The following CNBD1 variants were observed in gnomAD, a reference collection of about 807,000 sequenced individuals.
CNBD1 encodes the protein cyclic nucleotide binding domain containing 1.
A neutral mutation model predicts 54.4 loss-of-function variants in CNBD1; 71 were observed. That is an observed-to-expected ratio of 1.30 (90% CI 1.08 to 1.59). The LOEUF (loss-of-function observed/expected upper bound fraction) is 1.59. Among genes scored for constraint, CNBD1 ranks in the 40% most tolerant of loss-of-function variants. The pLI, the probability that CNBD1 is intolerant of heterozygous loss-of-function variation, is 0.00. For synonymous variants in CNBD1, 182 were observed against 170.7 expected, an observed-to-expected ratio of 1.07 and a Z score of -0.51; for missense variants, 659 against 518.0, an observed-to-expected ratio of 1.27 and a Z score of -2.64.
chr8:87,411,092 G>A (rs1302212324), intron 2 of CNBD1, among the ~76,000 whole-genome samples: 6 of 151,776 alleles, frequency 4.0e-5, no homozygotes, highest in African/African-American at 1.2e-4. Context: ...ATACTTGGGG[G>A]TCTGGAACAA....
chr8:87,390,950 A>C (rs1007311387), intron 2 of CNBD1, among the ~76,000 whole-genome samples: 2 of 152,154 alleles, frequency 1.3e-5, no homozygotes, highest in Non-Finnish European at 2.9e-5. Flanking sequence ...AGGGAGATGG[A>C]TGAAGCTGGA....
At chr8:87,202,169 G>A (rs1813877058) in intron 4 of CNBD1, among the ~76,000 whole-genome samples, 1 of 149,314 alleles carries the variant, frequency 6.7e-6, no homozygotes, top group South Asian at 2.1e-4. Context: ...ACTGGTAAAA[G>A]CAACGATTAT....
intron 3 of CNBD1, among the ~76,000 whole-genome samples, chr8:86,915,829 TC>T (rs1809175315): frequency 1.3e-5 from 2 of 152,204 alleles, no homozygotes; most frequent in East Asian, 3.9e-4. Flanking sequence ...GAGAAGTCAA[TC>T]TATCTGGGCA....
chr8:86,920,348 A>T (rs1026831028), intron 3 of CNBD1, among the ~76,000 whole-genome samples: 1 of 152,202 alleles, frequency 6.6e-6, no homozygotes, highest in African/African-American at 2.4e-5. Flanking sequence ...AGAAAGAGGT[A>T]GCTTGCTAAG....
chr8:87,054,067 C>T (rs1660308871), intron 4 of CNBD1, among the ~76,000 whole-genome samples: 1 of 152,216 alleles, frequency 6.6e-6, no homozygotes, highest in African/African-American at 2.4e-5. Context: ...ATAGTTTCTC[C>T]ATTCACAGAT....
At chr8:87,184,669 G>T (rs1209462657) in intron 4 of CNBD1, among the ~76,000 whole-genome samples, 1 of 152,096 alleles carries the variant, frequency 6.6e-6, no homozygotes, top group Admixed American at 6.5e-5. Flanking sequence ...GCCACTGGGG[G>T]CCAGGAAGGA....
chr8:87,379,463 T>C (rs1422236334), intron 10 of CNBD1, among the ~76,000 whole-genome samples: 4 of 151,898 alleles, frequency 2.6e-5, no homozygotes, highest in South Asian at 4.1e-4. Context: ...TATTCCAAAA[T>C]TGACCACATA....
At position 87,388,409 on chromosome 8, in the gene CNBD1, T is replaced by C. The variant is rs553564342; in HGVS notation, c.213+34623T>C. Among the ~76,000 whole-genome samples the C allele has an allele frequency of 3.9e-3, 586 of 151,904 alleles. 8 individuals are homozygous for C. Among genetic ancestry groups the C allele is most frequent in the African/African-American group, 0.013 (552 of 41,420 alleles). ...ATCAAATAGACACAATAAAAAATGATAAAGGGGATATCACCACCGATCCCA... is the reference window on the plus strand; with the variant it reads ...ATCAAATAGACACAATAAAAAATGACAAAGGGGATATCACCACCGATCCCA... On this transcript the variant is annotated intron_variant, in intron 2 of 7. Coordinates refer to the CNBD1 transcript ENST00000521593.
intron 4 of CNBD1, among the ~76,000 whole-genome samples, chr8:87,057,087 C>T (rs1251596245): frequency 1.3e-5 from 2 of 152,142 alleles, no homozygotes; most frequent in South Asian, 2.1e-4. Context: ...GAAGACCATC[C>T]ACCTTGAAGT....
At chr8:87,165,929 T>C (rs1360363490) in intron 4 of CNBD1, among the ~76,000 whole-genome samples, 1 of 151,938 alleles carries the variant, frequency 6.6e-6, no homozygotes, top group Non-Finnish European at 1.5e-5. Flanking sequence ...AAGTAAAATT[T>C]CAAAGTCAGA....
chr8:87,069,987 G>T (rs1304509569), intron 4 of CNBD1, among the ~76,000 whole-genome samples: 2 of 152,014 alleles, frequency 1.3e-5, no homozygotes, highest in South Asian at 2.1e-4. Flanking sequence ...TATTTTGGTT[G>T]AAGGCTGAGG....
chr8:87,384,666 A>G (rs557971268), downstream of CNBD1, among the ~76,000 whole-genome samples: 67 of 152,308 alleles, frequency 4.4e-4, no homozygotes, highest in Non-Finnish European at 9.0e-4. Context: ...AAATAAATGT[A>G]TGTTTTTTTC....
At chr8:87,157,898 T>TA (rs1026482758) in intron 4 of CNBD1, among the ~76,000 whole-genome samples, 6 of 152,206 alleles carry the variant, frequency 3.9e-5, no homozygotes, top group Non-Finnish European at 2.9e-5. Flanking sequence ...TGTTAGAGTT[T>TA]ACCAAAGAGA....
At chr8:87,087,606 G>T (rs1175157732) in intron 4 of CNBD1, among the ~76,000 whole-genome samples, 1 of 149,360 alleles carries the variant, frequency 6.7e-6, no homozygotes, top group Non-Finnish European at 1.5e-5. Context: ...TGGGACTACA[G>T]GCGCCAGCCA....
intron 3 of CNBD1, among the ~76,000 whole-genome samples, chr8:86,909,384 T>A (rs189758720): frequency 6.5e-4 from 99 of 152,358 alleles, no homozygotes; most frequent in African/African-American, 2.4e-3. Context: ...ATTTACTTTT[T>A]AATGACAGTC....
intron 4 of CNBD1, among the ~76,000 whole-genome samples, chr8:87,051,791 C>G (rs893103128): frequency 6.6e-6 from 1 of 152,202 alleles, no homozygotes; most frequent in Non-Finnish European, 1.5e-5. Flanking sequence ...GCATGGGCAT[C>G]ATGGCCATCA....
At chr8:87,332,810 G>A (rs1809863282) in intron 8 of CNBD1, among the ~76,000 whole-genome samples, 4 of 152,076 alleles carry the variant, frequency 2.6e-5, no homozygotes. Context: ...GTCAGGTGAT[G>A]CCTCCAGCTT....
intron 6 of CNBD1, among the ~76,000 whole-genome samples, chr8:87,263,343 A>G (rs1438758660): frequency 6.6e-6 from 1 of 152,038 alleles, no homozygotes; most frequent in African/African-American, 2.4e-5. Context: ...TTTTAAATGA[A>G]TTGTTTTTGC....
intron 4 of CNBD1, among the ~76,000 whole-genome samples, chr8:86,946,067 G>A (rs1002474067): frequency 3.3e-5 from 5 of 152,084 alleles, no homozygotes; most frequent in African/African-American, 7.2e-5. Flanking sequence ...ATATTACTTC[G>A]TCCATTTTAG....
Sources: allele counts gnomAD v4.1 joint callset (sites outside exome capture counted in the v4.1 genomes callset), GRCh38; gene constraint gnomAD v4.1.1; transcripts MANE v1.5; gene names NCBI Gene and HGNC (gene_info 2026-07-23, HGNC 2026-07-21).